NAALADL2: variants seen among roughly 807,000 people sequenced by gnomAD.
The protein encoded by NAALADL2 is inactive N-acetylated-alpha-linked acidic dipeptidase-like protein 2.
A neutral mutation model predicts 87.2 loss-of-function variants in NAALADL2; 76 were observed. That is an observed-to-expected ratio of 0.87 (90% CI 0.72 to 1.05). NAALADL2 has a LOEUF of 1.05. Ranked by LOEUF, NAALADL2 falls within the 50% of genes least tolerant of loss-of-function variation. NAALADL2 has a pLI of 0.00. For missense variants in NAALADL2, 1,089 were observed against 945.8 expected (o/e 1.15, Z -1.99); for synonymous variants, 354 against 331.0 (o/e 1.07, Z -0.75).
At chr3:175,495,155 A>C (rs116235500) in intron 9 of NAALADL2, among the ~76,000 whole-genome samples, 4,772 of 151,018 alleles carry the variant, frequency 0.032, 276 homozygotes, top group African/African-American at 0.11. Flanking sequence ...TAGCTTCCAA[A>C]GTATGCAAAT....
chr3:174,884,740 C>G (rs550271534), intron 1 of NAALADL2, among the ~76,000 whole-genome samples: 1 of 152,314 alleles, frequency 6.6e-6, no homozygotes, highest in African/African-American at 2.4e-5. Flanking sequence ...AATATACACT[C>G]TCATGCCTGT....
upstream of NAALADL2, among the ~76,000 whole-genome samples, chr3:174,856,206 A>G (rs556272763): frequency 6.6e-6 from 1 of 151,952 alleles, no homozygotes; most frequent in African/African-American, 2.4e-5. Context: ...GGATTATGCT[A>G]TGTTGACCAG....
In NAALADL2 at chr3:174,933,387, C is replaced by G. The variant is rs145342532; in HGVS notation, c.43+73937C>G. On this transcript the variant is annotated intron_variant, in intron 1 of 13. Coordinates refer to ENST00000454872, the MANE Select transcript of NAALADL2 (RefSeq NM_207015.3). The stretch of plus-strand genomic sequence containing the variant: ...TCATGAGCTGTGATTACAAATGGGT[C>G]TTCCAGTTTCTTCTGGGAATCTTTA... Among the ~76,000 whole-genome samples, 600 of 152,232 alleles carry G rather than the reference C, an allele frequency of 3.9e-3. 1 individual carries two copies. The highest frequency in any genetic ancestry group is 0.013 in the African/African-American group (552 of 41,552).
chr3:175,556,697 A>C (rs1395219125), intron 9 of NAALADL2, among the ~76,000 whole-genome samples: 4 of 152,150 alleles, frequency 2.6e-5, no homozygotes, highest in Non-Finnish European at 4.4e-5. Context: ...ATTTTTGAAA[A>C]AAGTCTCATT....
At chr3:174,926,411 C>A (rs2108386267) in intron 1 of NAALADL2, among the ~76,000 whole-genome samples, 1 of 152,158 alleles carries the variant, frequency 6.6e-6, no homozygotes, top group Non-Finnish European at 1.5e-5. Flanking sequence ...TTATCAGATT[C>A]ACCAAAGTTG....
chr3:175,468,850 G>A (rs961351855), intron 8 of NAALADL2, among the ~76,000 whole-genome samples: 3 of 151,982 alleles, frequency 2.0e-5, no homozygotes, highest in Non-Finnish European at 4.4e-5. Context: ...GTGTGTGAGC[G>A]ATAGTTTTTG....
chr3:175,520,310 G>C (rs1170729589), intron 9 of NAALADL2, among the ~76,000 whole-genome samples: 1 of 46,492 alleles, frequency 2.2e-5, no homozygotes. Flanking sequence ...TTTTTTTTTT[G>C]AGACGGAGTC....
intron 2 of NAALADL2, among the ~76,000 whole-genome samples, chr3:174,561,233 C>T (rs1406799271): frequency 6.8e-6 from 1 of 146,444 alleles, no homozygotes; most frequent in Non-Finnish European, 1.5e-5. Flanking sequence ...AAGAGTCTCG[C>T]TCTGTCACCA....
chr3:175,427,760 AT>A (rs1717062960), intron 5 of NAALADL2, among the ~76,000 whole-genome samples: 1 of 150,700 alleles, frequency 6.6e-6, no homozygotes, highest in Admixed American at 6.7e-5. Flanking sequence ...AAATTTGCAT[AT>A]TTTTATACTT....
chr3:175,646,949 G>A (rs572006494), intron 11 of NAALADL2, among the ~76,000 whole-genome samples: 35 of 152,042 alleles, frequency 2.3e-4, no homozygotes, highest in African/African-American at 5.5e-4. Flanking sequence ...TTACAGTAAC[G>A]AAAAAATTCT....
In NAALADL2 at chr3:174,589,070, G is replaced by A. The variant is rs1226178055; in HGVS notation, c.-115+38433G>A. 2.6e-5 allele frequency among the ~76,000 whole-genome samples: 4 copies of A among 152,228 alleles called. No homozygotes were observed. The South Asian group carries it at 8.3e-4, about 32-fold the overall frequency. ...ACTTTGTTTACCTACTTAAGCCTCAGCAATGGCGGACACCCCTCCCCCAGC... is the reference window on the plus strand; with the variant it reads ...ACTTTGTTTACCTACTTAAGCCTCAACAATGGCGGACACCCCTCCCCCAGC... On this transcript the variant is annotated intron_variant, in intron 2 of 3. Transcript: ENST00000434257.
chr3:174,805,479 C>A lies in NAALADL2; in HGVS notation c.-9+67733C>A, dbSNP rs1212677242. Reference sequence around the variant, plus strand: ...GGACAGCTTGGCATAAAACATACACCTTTAGCACTATTTATGCTATCTTAT... The same window carrying A: ...GGACAGCTTGGCATAAAACATACACATTTAGCACTATTTATGCTATCTTAT... On this transcript the variant is annotated intron_variant, in intron 3 of 3. Coordinates refer to the NAALADL2 transcript ENST00000434257. 7.2e-5 allele frequency among the ~76,000 whole-genome samples: 11 copies of A among 152,068 alleles called. No homozygotes were observed. The East Asian group carries it at 2.1e-3, about 29-fold the overall frequency.
chr3:174,457,381 C>T (rs1715911117), intron 1 of NAALADL2, among the ~76,000 whole-genome samples: 1 of 152,140 alleles, frequency 6.6e-6, no homozygotes, highest in Non-Finnish European at 1.5e-5. Flanking sequence ...ATACATCATT[C>T]TATAATAAAG....
chr3:174,787,808 C>T (rs994644371), intron 3 of NAALADL2, among the ~76,000 whole-genome samples: 1 of 150,936 alleles, frequency 6.6e-6, no homozygotes, highest in Non-Finnish European at 1.5e-5. Flanking sequence ...TTTCTAGTAA[C>T]TTTTATACCT....
intron 3 of NAALADL2, among the ~76,000 whole-genome samples, chr3:174,777,890 C>A (rs1715413775): frequency 6.6e-6 from 1 of 151,864 alleles, no homozygotes; most frequent in South Asian, 2.1e-4. Context: ...AGTTGGCTGG[C>A]AACTATAAGG....
chr3:175,730,416 A>ATC (rs1743547978), intron 11 of NAALADL2, among the ~76,000 whole-genome samples: 5 of 103,910 alleles, frequency 4.8e-5, no homozygotes, highest in Non-Finnish European at 8.1e-5. Context: ...ATATATATAT[A>ATC]TATATATATA....
intron 9 of NAALADL2, among the ~76,000 whole-genome samples, chr3:175,553,849 T>G (rs558814242): frequency 6.6e-6 from 1 of 152,272 alleles, no homozygotes; most frequent in South Asian, 2.1e-4. Context: ...GAAATATTTA[T>G]AAAGCGTCTT....
chr3:174,973,120 C>G (rs181844944), intron 1 of NAALADL2, among the ~76,000 whole-genome samples: 1 of 152,186 alleles, frequency 6.6e-6, no homozygotes, highest in Non-Finnish European at 1.5e-5. Context: ...AATTTACACA[C>G]TGGCTTTATC....
chr3:175,352,875 C>A (rs17205166), intron 5 of NAALADL2, among the ~76,000 whole-genome samples: 86,671 of 151,740 alleles, frequency 0.57, 25,163 homozygotes, highest in East Asian at 0.67. Context: ...AAGAATCTTT[C>A]GTCCAACGTG....
Sources: allele counts gnomAD v4.1 joint callset (sites outside exome capture counted in the v4.1 genomes callset), GRCh38; gene constraint gnomAD v4.1.1; transcripts MANE v1.5; gene names NCBI Gene and HGNC (gene_info 2026-07-23, HGNC 2026-07-21).